The following FARS2 variants were observed in gnomAD, a reference collection of about 807,000 sequenced individuals.
The protein encoded by FARS2 is phenylalanyl-tRNA synthetase 2, mitochondrial, also known as phenylalanine--tRNA ligase, mitochondrial.
In FARS2, 40 loss-of-function variants were observed where a neutral mutation model predicts 46.4. The ratio of observed to expected loss-of-function variants is 0.86; its 90% CI spans 0.67 to 1.12. The LOEUF is 1.12. Among genes scored for constraint, FARS2 ranks in the 50% most tolerant of loss-of-function variants. The pLI is 0.00. For missense variants in FARS2, 513 were observed against 567.9 expected, an observed-to-expected ratio of 0.90 and a Z score of 0.98; for synonymous variants, 234 against 214.9, an observed-to-expected ratio of 1.09 and a Z score of -0.78.
chr6:5,673,473 G>A (rs1017090995), intron 6 of FARS2, among the ~76,000 whole-genome samples: 4 of 152,168 alleles, frequency 2.6e-5, no homozygotes, highest in African/African-American at 4.8e-5. Flanking sequence ...GAAGAGATCC[G>A]GGTTAGCAAG....
At chr6:5,290,236 AC>A (rs768511653) in intron 1 of FARS2, among the ~76,000 whole-genome samples, 4 of 152,118 alleles carry the variant, frequency 2.6e-5, no homozygotes, top group Admixed American at 6.5e-5. Flanking sequence ...ATGGCAAGTG[AC>A]TGTGTGTGTG....
chr6:5,449,601 C>T (rs1764371320), intron 4 of FARS2, among the ~76,000 whole-genome samples: 1 of 152,114 alleles, frequency 6.6e-6, no homozygotes, highest in South Asian at 2.1e-4. Context: ...TGCATTCATT[C>T]ATTTCAATAT....
chr6:5,754,995 A>G (rs1173194500), intron 6 of FARS2, among the ~76,000 whole-genome samples: 1 of 152,212 alleles, frequency 6.6e-6, no homozygotes, highest in East Asian at 1.9e-4. Context: ...TGTTCTCTCT[A>G]CATTTTTCTG....
intron 6 of FARS2, among the ~76,000 whole-genome samples, chr6:5,724,634 C>T (rs1353370752): frequency 1.3e-5 from 2 of 152,204 alleles, no homozygotes; most frequent in Non-Finnish European, 2.9e-5. Flanking sequence ...GGGGGCCAGC[C>T]GAGGCTAAGA....
At chr6:5,586,040 T>C (rs1412676392) in intron 5 of FARS2, among the ~76,000 whole-genome samples, 1 of 152,176 alleles carries the variant, frequency 6.6e-6, no homozygotes, top group East Asian at 1.9e-4. Flanking sequence ...TATTAGTATA[T>C]AGAAACACAA....
intron 3 of FARS2, among the ~76,000 whole-genome samples, chr6:5,428,003 T>C (rs1366144367): frequency 2.0e-5 from 3 of 152,228 alleles, no homozygotes; most frequent in Non-Finnish European, 4.4e-5. Flanking sequence ...TTCTCAGTTC[T>C]ATCCTTGTGT....
At chr6:5,717,929 T>TAGAG (rs372348270) in intron 6 of FARS2, among the ~76,000 whole-genome samples, 3 of 105,028 alleles carry the variant, frequency 2.9e-5, no homozygotes, top group Non-Finnish European at 3.6e-5. Context: ...TATATATATA[T>TAGAG]ATATATACAG....
chr6:5,423,909 C>G (rs1299705854), intron 3 of FARS2, among the ~76,000 whole-genome samples: 1 of 152,148 alleles, frequency 6.6e-6, no homozygotes, highest in Non-Finnish European at 1.5e-5. Context: ...GCTTTGGAAA[C>G]AGAATCAGTA....
intron 5 of FARS2, among the ~76,000 whole-genome samples, chr6:5,584,131 A>ACACACACAC (rs1288112420): frequency 2.7e-5 from 4 of 150,910 alleles, no homozygotes; most frequent in Non-Finnish European, 5.9e-5. Flanking sequence ...ACACACACAC[A>ACACACACAC]CACACACACA....
chr6:5,591,508 G>A (rs766815580), intron 5 of FARS2, among the ~76,000 whole-genome samples: 8 of 152,224 alleles, frequency 5.3e-5, no homozygotes, highest in Non-Finnish European at 7.3e-5. Flanking sequence ...ACGCCTCCTC[G>A]AGATATGGGC....
At chr6:5,381,289 G>A (rs146826997) in intron 2 of FARS2, among the ~76,000 whole-genome samples, 1,539 of 151,712 alleles carry the variant, frequency 0.01, 21 homozygotes, top group African/African-American at 0.035. Context: ...GAGCCACCGC[G>A]CCCGGCCTAT....
intron 4 of FARS2, among the ~76,000 whole-genome samples, chr6:5,491,656 A>G (rs1767121686): frequency 6.6e-6 from 1 of 152,230 alleles, no homozygotes; most frequent in Non-Finnish European, 1.5e-5. Context: ...TGCATATGCC[A>G]TAGCACATTC....
chr6:5,589,865 A>G (rs1773817311), intron 5 of FARS2, among the ~76,000 whole-genome samples: 1 of 152,214 alleles, frequency 6.6e-6, no homozygotes, highest in South Asian at 2.1e-4. Flanking sequence ...TAAAAAATTG[A>G]ATATTCCATA....
At chr6:5,368,494 A>G (rs1758820790) in intron 1 of FARS2, 56 bp from the exon 2 acceptor site, 10 of 1,483,080 alleles carry the variant, frequency 6.7e-6, no homozygotes, top group South Asian at 1.3e-5. Flanking sequence ...CAAAGAACAC[A>G]CTTGCTTTCC....
chr6:5,556,907 G>A (rs553642116), intron 5 of FARS2, among the ~76,000 whole-genome samples: 2 of 152,178 alleles, frequency 1.3e-5, no homozygotes, highest in African/African-American at 2.4e-5. Context: ...CAAATTAGGT[G>A]TAATATATTT....
chr6:5,577,464 TACCAC>T (rs1188997717), intron 5 of FARS2, among the ~76,000 whole-genome samples: 1 of 152,172 alleles, frequency 6.6e-6, no homozygotes, highest in Non-Finnish European at 1.5e-5. Flanking sequence ...GGTTTCTAAA[TACCAC>T]ACTCCATTAA....
chr6:5,527,263 A>G (rs1046781090), intron 4 of FARS2, among the ~76,000 whole-genome samples: 3 of 152,256 alleles, frequency 2.0e-5, no homozygotes, highest in Non-Finnish European at 2.9e-5. Flanking sequence ...CATTTGTCAG[A>G]GGGACTGCGT....
At chr6:5,470,588 T>C (rs1415758623) in intron 4 of FARS2, among the ~76,000 whole-genome samples, 1 of 152,220 alleles carries the variant, frequency 6.6e-6, no homozygotes, top group Non-Finnish European at 1.5e-5. Context: ...TAATTTTTTA[T>C]TAGAATAACT....
intron 1 of FARS2, among the ~76,000 whole-genome samples, chr6:5,336,500 T>C (rs1372033536): frequency 6.6e-6 from 1 of 151,930 alleles, no homozygotes; most frequent in Non-Finnish European, 1.5e-5. Flanking sequence ...AATTTATTTT[T>C]AATTTTTAAT....
Sources: allele counts gnomAD v4.1 joint callset (sites outside exome capture counted in the v4.1 genomes callset), GRCh38; gene constraint gnomAD v4.1.1; transcripts MANE v1.5; gene names NCBI Gene and HGNC (gene_info 2026-07-23, HGNC 2026-07-21).